MPZL1: variants seen among roughly 807,000 people sequenced by gnomAD.
MPZL1 encodes myelin protein zero-like protein 1.
A neutral mutation model predicts 29.3 loss-of-function variants in MPZL1; 16 were observed. The ratio of observed to expected loss-of-function variants is 0.55; its 90% confidence interval spans 0.37 to 0.83. MPZL1 has a LOEUF of 0.83. MPZL1 is among the 40% of genes least tolerant of loss of function. The pLI, the probability that MPZL1 is intolerant of heterozygous loss-of-function variation, is 0.00. For synonymous variants in MPZL1, 143 were observed against 132.0 expected (o/e 1.08, Z -0.57); for missense variants, 279 against 332.9 (o/e 0.84, Z 1.26).
intron 1 of MPZL1, among the ~76,000 whole-genome samples, chr1:167,762,762 A>G (rs1253506375): frequency 1.3e-5 from 2 of 152,236 alleles, no homozygotes; most frequent in Non-Finnish European, 2.9e-5. Flanking sequence ...GATCTTACCC[A>G]GATTATTGGA....
At chr1:167,771,448 CCTTTT>C (rs1320266935) in intron 2 of MPZL1, among the ~76,000 whole-genome samples, 2 of 152,120 alleles carry the variant, frequency 1.3e-5, no homozygotes, top group Non-Finnish European at 2.9e-5. Context: ...CACATTTCCC[CCTTTT>C]CTTTTTGACA....
intron 1 of MPZL1, 71 bp from the exon 2 acceptor site, chr1:167,765,512 G>C: frequency 7.4e-7 from 1 of 1,355,304 alleles, no homozygotes; most frequent in Non-Finnish European, 1.0e-6. Context: ...ATCTTTTCTT[G>C]TCTGGCAAAA....
At chr1:167,724,723 A>G (rs1239461148) in intron 1 of MPZL1, among the ~76,000 whole-genome samples, 1 of 152,190 alleles carries the variant, frequency 6.6e-6, no homozygotes, top group Non-Finnish European at 1.5e-5. Flanking sequence ...AGACATCCAA[A>G]TGGAGATGGG....
chr1:167,761,107 G>A (rs1056965556), intron 1 of MPZL1, among the ~76,000 whole-genome samples: 10 of 152,192 alleles, frequency 6.6e-5, no homozygotes, highest in African/African-American at 2.4e-4. Flanking sequence ...GAGTAACGGA[G>A]ATGAAAGCCT....
At chr1:167,728,247 G>A (rs540043100) in intron 1 of MPZL1, among the ~76,000 whole-genome samples, 7 of 151,746 alleles carry the variant, frequency 4.6e-5, no homozygotes, top group East Asian at 1.9e-4. Context: ...TTGCCATGTC[G>A]GGCAGGCTGG....
chr1:167,785,065 A>T (rs1661565119), intron 5 of MPZL1, among the ~76,000 whole-genome samples: 1 of 152,216 alleles, frequency 6.6e-6, no homozygotes, highest in Non-Finnish European at 1.5e-5. Flanking sequence ...TATATCAATT[A>T]TCTACTGCTA....
chr1:167,729,021 T>C (rs901269142), intron 1 of MPZL1, among the ~76,000 whole-genome samples: 12 of 152,088 alleles, frequency 7.9e-5, no homozygotes, highest in Middle Eastern at 6.8e-3. Flanking sequence ...ATCCCAGCAC[T>C]TTGAGAGGCT....
chr1:167,753,648 C>T (rs1026471198), intron 1 of MPZL1, among the ~76,000 whole-genome samples: 2 of 150,292 alleles, frequency 1.3e-5, no homozygotes, highest in African/African-American at 2.5e-5. Context: ...TTTTTTGAGA[C>T]GGAGTCTCGC....
chr1:167,765,795 CTTTA>C, intron 2 of MPZL1, 46 bp downstream of exon 2: 1 of 1,487,150 alleles, frequency 6.7e-7, no homozygotes, highest in African/African-American at 1.4e-5. Context: ...TCACAGGTTT[CTTTA>C]CTGCTGTATA....
chr1:167,781,544 CAT>C (rs1489105346), intron 5 of MPZL1, among the ~76,000 whole-genome samples: 21 of 152,016 alleles, frequency 1.4e-4, no homozygotes, highest in Non-Finnish European at 4.4e-5. Context: ...GTGAAAATAA[CAT>C]ATCAAAATTT....
At chr1:167,731,787 G>A (rs57576409) in intron 1 of MPZL1, among the ~76,000 whole-genome samples, 419 of 151,590 alleles carry the variant, frequency 2.8e-3, no homozygotes, top group African/African-American at 9.8e-3. Flanking sequence ...ATGCTAAGGA[G>A]GCAGGAGGAT....
At chr1:167,776,227 T>C in intron 5 of MPZL1, 61 bp downstream of exon 5, 1 of 1,237,354 alleles carries the variant, frequency 8.1e-7, no homozygotes, top group Non-Finnish European at 1.2e-6. Flanking sequence ...GCTCTGTCAC[T>C]TCCTTGGGTG....
At chr1:167,758,623 C>G (rs531150480) in intron 1 of MPZL1, among the ~76,000 whole-genome samples, 1 of 152,062 alleles carries the variant, frequency 6.6e-6, no homozygotes, top group African/African-American at 2.4e-5. Context: ...GTAAAAATGA[C>G]CCCTAGTCAG....
intron 1 of MPZL1, chr1:167,765,018 G>A (rs1661083504): frequency 6.6e-6 from 1 of 152,190 alleles, no homozygotes; most frequent in African/African-American, 2.4e-5. Flanking sequence ...TGTAGCACAG[G>A]GGATGCTTAG....
chr1:167,782,686 G>A (rs1345474176), intron 5 of MPZL1, among the ~76,000 whole-genome samples: 1 of 152,170 alleles, frequency 6.6e-6, no homozygotes, highest in East Asian at 1.9e-4. Context: ...TGGCAGATGT[G>A]ATTAAATTGC....
rs567780014 is a variant in MPZL1 at position 167,741,874 on chromosome 1, A to G, written c.91+19632A>G. Among the ~76,000 whole-genome samples the G allele has an allele frequency of 2.6e-5, 4 of 152,140 alleles. No homozygotes were observed. The East Asian group carries it at 7.7e-4, about 29-fold the overall frequency. On this transcript the variant is annotated intron_variant, in intron 1 of 5. Coordinates refer to ENST00000359523, the MANE Select transcript of MPZL1 (RefSeq NM_003953.6). ...ATGGTGAAACCCTGTCTCTACAAAAAATATAAAAGTTAGCTGGGCCTGATG... is the reference window on the plus strand; with the variant it reads ...ATGGTGAAACCCTGTCTCTACAAAAGATATAAAAGTTAGCTGGGCCTGATG...
chr1:167,737,819 C>T (rs1370950470), intron 1 of MPZL1, among the ~76,000 whole-genome samples: 1 of 152,178 alleles, frequency 6.6e-6, no homozygotes, highest in Non-Finnish European at 1.5e-5. Context: ...TTTTCTGGAT[C>T]TTAAAGAGAT....
At chr1:167,780,873 T>TTATATA (rs1661483178) in intron 5 of MPZL1, among the ~76,000 whole-genome samples, 1 of 152,168 alleles carries the variant, frequency 6.6e-6, no homozygotes, top group Non-Finnish European at 1.5e-5. Context: ...ATGCTAATTT[T>TTATATA]TATGTTATAT....
chr1:167,722,646 T>A (rs940350575), intron 1 of MPZL1, among the ~76,000 whole-genome samples: 7 of 152,222 alleles, frequency 4.6e-5, no homozygotes, highest in African/African-American at 1.7e-4. Context: ...GGTTCTGGCG[T>A]TCTTCACCTT....
Sources: allele counts gnomAD v4.1 joint callset (sites outside exome capture counted in the v4.1 genomes callset), GRCh38; gene constraint gnomAD v4.1.1; transcripts MANE v1.5; gene names NCBI Gene and HGNC (gene_info 2026-07-23, HGNC 2026-07-21).